Variants in KDM4C observed in about 807,000 individuals in gnomAD.
KDM4C encodes the protein lysine demethylase 4C.
Under a neutral mutation model 129.3 loss-of-function variants are expected in KDM4C, and 81 were observed. That is an observed-to-expected ratio of 0.63 (90% confidence interval 0.52 to 0.75). The LOEUF (loss-of-function observed/expected upper bound fraction) is 0.75, where lower values mean the gene tolerates loss of function less well. KDM4C is among the 30% of genes least tolerant of loss of function. KDM4C has a pLI of 0.00. For synonymous variants in KDM4C, 573 were observed against 456.1 expected (o/e 1.26, Z -3.26); for missense variants, 1,457 against 1,304.0 (o/e 1.12, Z -1.81).
At position 6,844,993 on chromosome 9, in the gene KDM4C, C is replaced by T. The variant is rs569976080; in HGVS notation, c.436-4514C>T. The stretch of plus-strand genomic sequence containing the variant: ...GTGTGCCACTGCGCCCAGCCTAGGA[C>T]CCATATTTCTAATGTTGCATTGGAA... On this transcript the variant is annotated intron_variant, in intron 4 of 21. Coordinates refer to ENST00000381309, the MANE Select transcript of KDM4C (RefSeq NM_015061.6). Among the ~76,000 whole-genome samples the T allele has an allele frequency of 3.3e-3, 506 of 152,186 alleles. 3 individuals are homozygous for T. Among genetic ancestry groups the T allele is most frequent in the Non-Finnish European group, 4.5e-3 (308 of 67,998 alleles).
chr9:7,151,417 C>T (rs1040306509), intron 19 of KDM4C, among the ~76,000 whole-genome samples: 3 of 152,006 alleles, frequency 2.0e-5, no homozygotes, highest in African/African-American at 4.8e-5. Context: ...CAAGGCCAGG[C>T]GTGCTGGCTC....
intron 19 of KDM4C, among the ~76,000 whole-genome samples, chr9:7,134,021 A>T (rs1410752033): frequency 6.6e-6 from 1 of 152,106 alleles, no homozygotes; most frequent in Admixed American, 6.5e-5. Flanking sequence ...CCCATCCCAG[A>T]CCATTTGTGT....
intron 8 of KDM4C, chr9:6,925,010 C>A: frequency 1.0e-6 from 1 of 985,344 alleles, no homozygotes; most frequent in Non-Finnish European, 1.2e-6. Context: ...CTTAGGCTTC[C>A]TACTTCTGAA....
chr9:6,947,613 A>G (rs1405847357), intron 8 of KDM4C, among the ~76,000 whole-genome samples: 1 of 152,130 alleles, frequency 6.6e-6, no homozygotes, highest in African/African-American at 2.4e-5. Flanking sequence ...ATTGTATGGT[A>G]TGAGGCCGAG....
chr9:7,155,032 C>T (rs1298398454), intron 19 of KDM4C, among the ~76,000 whole-genome samples: 6 of 152,186 alleles, frequency 3.9e-5, no homozygotes, highest in Middle Eastern at 3.2e-3. Context: ...AAGTAAACTG[C>T]ATTAGGAAAA....
At chr9:7,046,221 A>G (rs1228925631) in intron 15 of KDM4C, among the ~76,000 whole-genome samples, 4 of 151,980 alleles carry the variant, frequency 2.6e-5, no homozygotes. Context: ...AAGACACATA[A>G]GAGTGCTGAA....
intron 5 of KDM4C, among the ~76,000 whole-genome samples, chr9:6,863,367 A>G (rs925356406): frequency 6.6e-6 from 1 of 152,116 alleles, no homozygotes; most frequent in Non-Finnish European, 1.5e-5. Context: ...TATAAAGAAA[A>G]AAGATTTATT....
At chr9:6,977,099 C>T (rs1208899535) in intron 8 of KDM4C, among the ~76,000 whole-genome samples, 3 of 152,136 alleles carry the variant, frequency 2.0e-5, no homozygotes, top group Non-Finnish European at 4.4e-5. Flanking sequence ...CCACCTGCCT[C>T]GGCCTCCCAA....
chr9:6,813,617 GTTTC>G (rs769699394), intron 3 of KDM4C, among the ~76,000 whole-genome samples: 21 of 151,984 alleles, frequency 1.4e-4, no homozygotes, highest in Non-Finnish European at 2.8e-4. Flanking sequence ...ATTCTCATTT[GTTTC>G]TTTCTTTGCT....
chr9:7,019,976 C>T (rs1037442673), intron 15 of KDM4C, among the ~76,000 whole-genome samples: 15 of 151,672 alleles, frequency 9.9e-5, no homozygotes, highest in African/African-American at 3.4e-4. Flanking sequence ...GAGTAGATGT[C>T]GCTCTAGACT....
chr9:7,145,454 C>G (rs1842134252), intron 19 of KDM4C, among the ~76,000 whole-genome samples: 1 of 152,158 alleles, frequency 6.6e-6, no homozygotes, highest in South Asian at 2.1e-4. Context: ...CCCCTCTCAC[C>G]TCATCCCTTA....
At chr9:6,940,952 T>C (rs1013559943) in intron 8 of KDM4C, among the ~76,000 whole-genome samples, 2 of 152,198 alleles carry the variant, frequency 1.3e-5, no homozygotes, top group Admixed American at 1.3e-4. Flanking sequence ...GTAATATTTG[T>C]TCTTTACTTA....
intron 8 of KDM4C, among the ~76,000 whole-genome samples, chr9:6,900,162 C>A (rs1817142074): frequency 6.6e-6 from 1 of 152,032 alleles, no homozygotes; most frequent in Non-Finnish European, 1.5e-5. Context: ...CTATACTGGC[C>A]CCCTTTTTAC....
At chr9:6,994,359 T>G (rs142559527) in intron 12 of KDM4C, among the ~76,000 whole-genome samples, 37 of 152,280 alleles carry the variant, frequency 2.4e-4, no homozygotes, top group African/African-American at 8.9e-4. Context: ...GCTGTTACAT[T>G]ATGTGTGGCA....
At chr9:6,893,956 G>A (rs970671611) in intron 8 of KDM4C, among the ~76,000 whole-genome samples, 2 of 152,180 alleles carry the variant, frequency 1.3e-5, no homozygotes, top group Non-Finnish European at 2.9e-5. Flanking sequence ...AGGGAAAGGT[G>A]CAGGCTGGCA....
intron 17 of KDM4C, among the ~76,000 whole-genome samples, chr9:7,073,404 T>A (rs1833476411): frequency 6.6e-6 from 1 of 152,252 alleles, no homozygotes; most frequent in Non-Finnish European, 1.5e-5. Context: ...TTTTATATGT[T>A]ATATAGATAA....
chr9:6,840,070 TATA>T (rs1392274022), intron 4 of KDM4C, among the ~76,000 whole-genome samples: 2 of 151,804 alleles, frequency 1.3e-5, no homozygotes, highest in East Asian at 3.9e-4. Context: ...ACTGTTCTGT[TATA>T]ATTTCCTCTT....
In KDM4C at chr9:7,018,294, A is replaced by C. The variant is rs115441359; in HGVS notation, c.2259+2365A>C. On this transcript the variant is annotated intron_variant, in intron 15 of 21. Transcript: ENST00000381309. The stretch of plus-strand genomic sequence containing the variant: ...GGTACAAAAGACATAACAGCCTTAC[A>C]ATCTTATGGGACTACTGTCATGTGT... Among the ~76,000 whole-genome samples, 538 of 152,328 alleles carry C rather than the reference A, an allele frequency of 3.5e-3. 3 individuals are homozygous for C. Among genetic ancestry groups the C allele is most frequent in the African/African-American group, 0.012 (500 of 41,570 alleles).
intron 19 of KDM4C, among the ~76,000 whole-genome samples, chr9:7,142,007 C>T (rs1419407806): frequency 6.6e-6 from 1 of 152,160 alleles, no homozygotes; most frequent in Non-Finnish European, 1.5e-5. Context: ...AGAAATTCTT[C>T]AGTATGAAAA....
Sources: gnomAD v4.1 joint callset for allele counts (sites outside exome capture counted in the v4.1 genomes callset) on GRCh38, gnomAD v4.1.1 for gene constraint, MANE v1.5 for transcripts, NCBI Gene and HGNC (gene_info 2026-07-23, HGNC 2026-07-21) for gene names.